Variants in TOR3A observed in about 807,000 individuals in gnomAD.
The protein encoded by TOR3A is torsin-3A.
In TOR3A, 44 loss-of-function variants were observed where a neutral mutation model predicts 42.1. The ratio of observed to expected loss-of-function variants is 1.04; its 90% CI spans 0.82 to 1.34. TOR3A has a LOEUF of 1.34. TOR3A is among the 40% of genes most tolerant of loss of function. The pLI, the probability that TOR3A is intolerant of heterozygous loss-of-function variation, is 0.00. For missense variants in TOR3A, 521 were observed against 507.6 expected, an observed-to-expected ratio of 1.03 and a Z score of -0.25; for synonymous variants, 227 against 213.2, an observed-to-expected ratio of 1.06 and a Z score of -0.57.
rs1380807586 is a variant in TOR3A at position 179,082,168 on chromosome 1, C to T, written c.40C>T (p.Leu14=). ...GTGGCGCCAGCTTTGGCTCTTTTTC[C>T]TGCTGCTGCTCCCGGGCGCGCCTGA... is the stretch of plus-strand genomic sequence containing the variant. ...GPWRQLWLFF[L]LLLPGAPEPR... is the part of the protein sequence containing the mutation. The change falls in exon 1 of 6, where the codon CTG becomes TTG. Residue 14 remains leucine, a synonymous_variant. Coordinates refer to ENST00000367627, the MANE Select transcript of TOR3A (RefSeq NM_022371.4). The T allele has an allele frequency of 6.0e-6, 9 of 1,508,066 alleles. No individual in the cohort carries two copies. Among genetic ancestry groups the T allele is most frequent in the Non-Finnish European group, 7.9e-6 (9 of 1,137,820 alleles). 93.4% of individuals were successfully genotyped at this position (1,508,066 alleles called of 1,614,324 possible).
At chr1:179,089,711 C>G (rs778933510) in intron 4 of TOR3A, among the ~76,000 whole-genome samples, 1 of 152,174 alleles carries the variant, frequency 6.6e-6, no homozygotes, top group African/African-American at 2.4e-5. Context: ...AGCCCTGGGT[C>G]GGGCAGTCCA....
At chr1:179,093,129 G>T (rs1416234887) in intron 4 of TOR3A, among the ~76,000 whole-genome samples, 1 of 152,160 alleles carries the variant, frequency 6.6e-6, no homozygotes, top group Non-Finnish European at 1.5e-5. Context: ...GCAGTGAGGT[G>T]GGGGAGAAGT....
Position 179,082,182 on chromosome 1 carries a change from G to A in TOR3A, c.54G>A (p.Pro18=). 6.6e-7 allele frequency: 1 copy of A among 1,507,362 alleles called. No individual in the cohort carries two copies. The highest frequency in any genetic ancestry group is 8.8e-7 in the Non-Finnish European group (1 of 1,136,810). 93.4% of individuals were successfully genotyped at this position (1,507,362 alleles called of 1,614,324 possible). The change falls in exon 1 of 6, where the codon CCG becomes CCA. Residue 18 remains proline (P), a synonymous_variant. Transcript: ENST00000367627. The part of the protein sequence containing the change: ...QLWLFFLLLL[P]GAPEPRGASR... Reference sequence around the variant, plus strand: ...GGCTCTTTTTCCTGCTGCTGCTCCCGGGCGCGCCTGAGCCCCGCGGCGCCT... The same window carrying A: ...GGCTCTTTTTCCTGCTGCTGCTCCCAGGCGCGCCTGAGCCCCGCGGCGCCT...
chr1:179,087,797 G>T (rs1439702038), intron 3 of TOR3A, 114 bp from the exon 4 acceptor site: 4 of 955,004 alleles, frequency 4.2e-6, no homozygotes, highest in Non-Finnish European at 6.0e-6. Flanking sequence ...GGGGCGGGGG[G>T]TGGGGAACCC....
chr1:179,094,301 C>T, intron 5 of TOR3A, 84 bp downstream of exon 5: 1 of 1,507,538 alleles, frequency 6.6e-7, no homozygotes, highest in African/African-American at 1.4e-5. Flanking sequence ...GTTTATGAAG[C>T]AGACAGGGTA....
intron 3 of TOR3A, 146 bp from the exon 4 acceptor site, chr1:179,087,765 T>A: frequency 1.6e-6 from 1 of 643,278 alleles, no homozygotes; most frequent in Non-Finnish European, 2.5e-6. Context: ...CCCAAGAGCT[T>A]GGATTTGATA....
rs1331638881 is a variant in TOR3A, at chr1:179,095,686, C to T, written c.*468C>T. ...GCTGTAGGGTCCTTGGGTTACAGAG[C>T]CGGGGAGAACGAAGTTCTGTGACCC... On this transcript the variant is annotated 3_prime_UTR_variant, in exon 6 of 6. Transcript: ENST00000367627. 1.2e-5 allele frequency: 12 copies of T among 996,992 alleles called. No individual in the cohort carries two copies. Among genetic ancestry groups the T allele is most frequent in the Non-Finnish European group, 1.3e-5 (11 of 836,916 alleles). The allele number at this position is 996,992 out of a possible 1,614,324, so 61.8% of individuals were successfully genotyped here. A position where few individuals can be genotyped will look rare whatever the true frequency, so the allele number is the denominator to read the frequency against.
rs770002281 is a variant in TOR3A, at chr1:179,087,990, T to G, written c.719T>G (p.Leu240Arg). The change falls in exon 4 of 6, where the codon CTG becomes CGG. Residue 240 changes from leucine to arginine, a missense_variant. Physicochemically the swap from Leu to Arg is moderately radical, Grantham distance 102. Coordinates refer to ENST00000367627, the MANE Select transcript of TOR3A (RefSeq NM_022371.4). ...TLFIFDEAEK[L>R]HPGLLEVLGP... ...TTCATCTTCGATGAAGCGGAGAAGC[T>G]GCACCCAGGGCTGCTGGAGGTCCTT... The G allele has an allele frequency of 4.3e-6, 7 of 1,613,434 alleles. No individual in the cohort carries two copies. The highest frequency in any genetic ancestry group is 1.7e-6 in the Non-Finnish European group (2 of 1,179,778).
intron 4 of TOR3A, among the ~76,000 whole-genome samples, chr1:179,090,228 C>T (rs1652545060): frequency 6.6e-6 from 1 of 152,184 alleles, no homozygotes; most frequent in Non-Finnish European, 1.5e-5. Flanking sequence ...AAGATGTGGC[C>T]TTAGGTTCTA....
In TOR3A at chr1:179,088,106, AAT is replaced by A. The variant is rs113249103; in HGVS notation, c.818+19_818+20del. 8.0e-4 allele frequency: 1,242 copies of A among 1,553,020 alleles called. 11 individuals carry two copies. The African/African-American group carries it at 0.015, about 19-fold the overall frequency. ...GTTTCTCAGGTGGGTTCTGGGGAAC[AAT>A]AGTCAGGAGGGCTGGGGGAGGGGAA... On this transcript the variant is annotated intron_variant, in intron 4 of 5. Transcript: ENST00000367627.
chr1:179,084,221 GTATTT>G (rs924369994), intron 2 of TOR3A, among the ~76,000 whole-genome samples: 6 of 152,052 alleles, frequency 3.9e-5, no homozygotes, highest in African/African-American at 4.8e-5. Flanking sequence ...TTCCTCAGCT[GTATTT>G]TATTTTATTT....
Position 179,082,305 on chromosome 1 carries a change from C to T in TOR3A, c.177C>T (p.Ser59=). The T allele has an allele frequency of 1.3e-6, 2 of 1,593,106 alleles. No homozygotes were observed. The highest frequency in any genetic ancestry group is 1.1e-5 in the South Asian group (1 of 89,388). ...AGCTCAGGGCGGCGGGTGCCCTCTC[C>T]AAGCGGTACTGGACGCTCTTCAGCT... is the stretch of plus-strand genomic sequence containing the variant. The part of the protein sequence containing the change: ...QEQLRAAGAL[S]KRYWTLFSCQ... Residue 59 remains serine (S), a synonymous_variant, in exon 1 of 6, where the codon TCC becomes TCT. Coordinates refer to ENST00000367627, the MANE Select transcript of TOR3A (RefSeq NM_022371.4).
chr1:179,082,513 G>A, intron 1 of TOR3A, 126 bp downstream of exon 1: 14 of 1,364,970 alleles, frequency 1.0e-5, no homozygotes, highest in Non-Finnish European at 1.3e-5. Flanking sequence ...CTCAGCCGCC[G>A]GTACCGGCTG....
intron 4 of TOR3A, among the ~76,000 whole-genome samples, chr1:179,093,644 C>T (rs1340530676): frequency 6.6e-6 from 1 of 152,202 alleles, no homozygotes; most frequent in Non-Finnish European, 1.5e-5. Context: ...GGCCTAGACA[C>T]TTCCCTTCCT....
At chr1:179,082,784 G>C (rs913202524) in intron 1 of TOR3A, 156 bp from the exon 2 acceptor site, 1 of 713,820 alleles carries the variant, frequency 1.4e-6, no homozygotes, top group Non-Finnish European at 2.5e-6. Flanking sequence ...TTTGGACGCA[G>C]GGCTTGAGGA....
intron 2 of TOR3A, among the ~76,000 whole-genome samples, chr1:179,085,114 T>C (rs768813114): frequency 3.9e-5 from 6 of 152,136 alleles, no homozygotes; most frequent in Non-Finnish European, 7.4e-5. Flanking sequence ...CCCATCTTGA[T>C]TTCCCAAACT....
chr1:179,089,770 G>A (rs965639428), intron 4 of TOR3A, among the ~76,000 whole-genome samples: 5 of 152,078 alleles, frequency 3.3e-5, no homozygotes, highest in African/African-American at 9.7e-5. Flanking sequence ...CCCACGGCAC[G>A]GAGCAAAGCA....
rs780726010 is a variant in TOR3A at position 179,085,810 on chromosome 1, C to T, written c.556C>T (p.Arg186Trp). The change falls in exon 3 of 6, where the codon CGG (arginine) becomes TGG (tryptophan). Residue 186 changes from arginine (R) to tryptophan (W), a missense_variant. Arg to Trp is a moderately radical substitution (Grantham distance 101, BLOSUM62 -3). Transcript: ENST00000367627. ...ACGGATGCTGGTGGAGAACCTGTAT[C>T]GGGACGGGCTGATGAGTGACTGTGT... ...VARMLVENLY[R>W]DGLMSDCVRM... The T allele has an allele frequency of 6.8e-6, 11 of 1,614,060 alleles. No individual in the cohort carries two copies. Among genetic ancestry groups the T allele is most frequent in the African/African-American group, 1.3e-5 (1 of 74,948 alleles).
chr1:179,089,227 A>T (rs1327257911), intron 4 of TOR3A, among the ~76,000 whole-genome samples: 2 of 151,868 alleles, frequency 1.3e-5, no homozygotes, highest in Non-Finnish European at 2.9e-5. Context: ...AGGCTGAGGC[A>T]GGAGAATCAC....
Sources: gnomAD v4.1 joint callset for allele counts (sites outside exome capture counted in the v4.1 genomes callset) on GRCh38, gnomAD v4.1.1 for gene constraint, MANE v1.5 for transcripts, NCBI Gene and HGNC (gene_info 2026-07-23, HGNC 2026-07-21) for gene names.